Variants in E2F3 observed in about 807,000 individuals in gnomAD.
E2F3 encodes transcription factor E2F3.
In E2F3, 11 loss-of-function variants were observed where a neutral mutation model predicts 44.4. The ratio of observed to expected loss-of-function variants is 0.25; its 90% confidence interval spans 0.16 to 0.41. E2F3 has a LOEUF of 0.41. E2F3 is among the 10% of genes least tolerant of loss of function. E2F3 has a pLI of 1.00. For synonymous variants in E2F3, 249 were observed against 253.0 expected (o/e 0.98, Z 0.15); for missense variants, 487 against 583.6 (o/e 0.83, Z 1.70).
intron 1 of E2F3, chr6:20,403,759 G>C (rs1254018157): frequency 2.7e-6 from 4 of 1,478,606 alleles, no homozygotes; most frequent in African/African-American, 2.9e-5. Flanking sequence ...TCGGCCCTCC[G>C]GGCCCCCTCT....
At chr6:20,409,802 T>C (rs1484716985) in intron 1 of E2F3, among the ~76,000 whole-genome samples, 1 of 152,184 alleles carries the variant, frequency 6.6e-6, no homozygotes. Context: ...AAACATAATC[T>C]AACGTGGCTG....
intron 1 of E2F3, among the ~76,000 whole-genome samples, chr6:20,473,437 T>C (rs1048846029): frequency 4.6e-5 from 7 of 152,068 alleles, no homozygotes; most frequent in Non-Finnish European, 7.4e-5. Context: ...GTTGTGAAAA[T>C]AAGATAACAA....
At chr6:20,405,507 G>A (rs577869783) in intron 1 of E2F3, among the ~76,000 whole-genome samples, 1 of 151,244 alleles carries the variant, frequency 6.6e-6, no homozygotes, top group Admixed American at 6.6e-5. Flanking sequence ...CACCACGCCT[G>A]GCCGGTTATC....
intron 1 of E2F3, among the ~76,000 whole-genome samples, chr6:20,441,941 A>G (rs894354698): frequency 1.3e-5 from 2 of 151,468 alleles, no homozygotes; most frequent in Admixed American, 1.3e-4. Context: ...CCTACTAGCC[A>G]TGCACTAGGG....
At chr6:20,468,534 C>A (rs567135734) in intron 1 of E2F3, among the ~76,000 whole-genome samples, 1 of 152,314 alleles carries the variant, frequency 6.6e-6, no homozygotes, top group East Asian at 1.9e-4. Context: ...GGAAGCTCTC[C>A]GTACCCTGTC....
At chr6:20,435,278 G>T (rs562206901) in intron 1 of E2F3, among the ~76,000 whole-genome samples, 1 of 152,012 alleles carries the variant, frequency 6.6e-6, no homozygotes, top group Non-Finnish European at 1.5e-5. Flanking sequence ...GCACCTGGCC[G>T]ATGTGCCCCA....
Position 20,402,086 on chromosome 6 carries a change from TAAAAAG to T in E2F3, c.-142_-137del. On this transcript the variant is annotated 5_prime_UTR_variant, in exon 1 of 7. Transcript: ENST00000346618. This position sits in a 1 kb window ranked among gnomAD's most constrained non-coding sequence, Gnocchi z 5.6. ...CCGGGGCCTGTGCGGTGCGGAAAAA[TAAAAAG>T]AAAAGAGAGAGAGGGGGCTCGGAAG... The T allele has an allele frequency of 7.4e-7, 1 of 1,351,736 alleles. No individual in the cohort carries two copies. Among genetic ancestry groups the T allele is most frequent in the Non-Finnish European group, 9.6e-7 (1 of 1,043,800 alleles). 83.7% of individuals were successfully genotyped at this position (1,351,736 alleles called of 1,614,324 possible).
chr6:20,470,918 A>G (rs186224963), intron 1 of E2F3, among the ~76,000 whole-genome samples: 47 of 152,346 alleles, frequency 3.1e-4, no homozygotes, highest in African/African-American at 1.0e-3. Context: ...AAGACATTCA[A>G]CAGTCTAGAA....
At chr6:20,403,710 C>G (rs951985541) in intron 1 of E2F3, 7 of 865,294 alleles carry the variant, frequency 8.1e-6, no homozygotes, top group Admixed American at 2.8e-5. Context: ...TCCCCACCCC[C>G]CCACCGGCGC....
intron 1 of E2F3, among the ~76,000 whole-genome samples, chr6:20,471,001 G>A (rs1483607477): frequency 6.6e-6 from 1 of 152,056 alleles, no homozygotes; most frequent in African/African-American, 2.4e-5. Flanking sequence ...AGTAACCCAC[G>A]CTCACTTTAA....
chr6:20,411,786 C>T (rs1759682194), intron 1 of E2F3, among the ~76,000 whole-genome samples: 1 of 152,214 alleles, frequency 6.6e-6, no homozygotes, highest in African/African-American at 2.4e-5. Flanking sequence ...TTGGGCCTCT[C>T]CCTTCCCTTG....
intron 3 of E2F3, 112 bp downstream of exon 3, chr6:20,481,537 C>G: frequency 1.1e-6 from 1 of 924,768 alleles, no homozygotes; most frequent in Non-Finnish European, 1.7e-6. Context: ...CTTTTCTCTC[C>G]TACTGTTTTC....
In E2F3 at chr6:20,402,895, C is replaced by T. The variant is rs936966586; in HGVS notation, c.393+270C>T. The stretch of plus-strand genomic sequence containing the variant: ...CACTCCAAAACTTTTCGCGGCCCCC[C>T]CTTCTTTTCCTGCACTTTTCCCTAC... On this transcript the variant is annotated intron_variant, in intron 1 of 6. Transcript: ENST00000346618. The surrounding 1 kb of genome is among the most constrained non-coding windows in gnomAD (Gnocchi z 5.6). Among the ~76,000 whole-genome samples, 1 of 152,168 alleles carries T rather than the reference C, an allele frequency of 6.6e-6. No individual in the cohort carries two copies. The highest frequency in any genetic ancestry group is 2.4e-5 in the African/African-American group (1 of 41,446).
intron 1 of E2F3, among the ~76,000 whole-genome samples, chr6:20,477,143 C>T (rs1762072061): frequency 6.6e-6 from 1 of 151,934 alleles, no homozygotes; most frequent in African/African-American, 2.4e-5. Flanking sequence ...TTGGGGTTTT[C>T]ATTATTATTT....
In E2F3 at chr6:20,430,964, G is replaced by T. The variant is rs183446814; in HGVS notation, c.393+28339G>T. Among the ~76,000 whole-genome samples the T allele has an allele frequency of 9.9e-3, 1,500 of 152,274 alleles. 12 individuals carry two copies. Among genetic ancestry groups the T allele is most frequent in the Non-Finnish European group, 0.015 (1,015 of 68,016 alleles). On this transcript the variant is annotated intron_variant, in intron 1 of 6. Coordinates refer to ENST00000346618, the MANE Select transcript of E2F3 (RefSeq NM_001949.5). ...CACTTGAACCCAGGAGATGGAGGTT[G>T]CAGTGGGCCAAGATGGCGCCACTGC... is the stretch of plus-strand genomic sequence containing the variant.
At chr6:20,419,268 A>G (rs1759946234) in intron 1 of E2F3, among the ~76,000 whole-genome samples, 1 of 152,192 alleles carries the variant, frequency 6.6e-6, no homozygotes, top group Admixed American at 6.5e-5. Context: ...GAACAGTGCT[A>G]CATTGGATAT....
intron 1 of E2F3, among the ~76,000 whole-genome samples, chr6:20,448,260 G>T (rs1438021566): frequency 6.6e-6 from 1 of 152,158 alleles, no homozygotes; most frequent in Non-Finnish European, 1.5e-5. Context: ...AGCTCTCCAA[G>T]GAGTGCTCTT....
chr6:20,402,478 C>G lies in E2F3; in HGVS notation c.246C>G (p.Gly82=), dbSNP rs1223720577. 1 of 1,608,750 alleles carries G rather than the reference C, an allele frequency of 6.2e-7. No individual in the cohort carries two copies. The highest frequency in any genetic ancestry group is 1.7e-5 in the Admixed American group (1 of 59,962). The stretch of plus-strand genomic sequence containing the variant: ...TCCAAAGCGGCGCCGTAGCCGCCGG[C>G]CCCCTCCTCCCCAGTGCCCCCGGCG... ...SSLQSGAVAA[G]PLLPSAPGAE... is the part of the protein sequence containing the mutation. Residue 82 remains glycine (G), a synonymous_variant, in exon 1 of 7, where the codon GGC becomes GGG. Coordinates refer to ENST00000346618, the MANE Select transcript of E2F3 (RefSeq NM_001949.5). This position sits in a 1 kb window ranked among gnomAD's most constrained non-coding sequence, Gnocchi z 5.6.
intron 1 of E2F3, among the ~76,000 whole-genome samples, chr6:20,413,901 C>G (rs997987917): frequency 5.3e-5 from 8 of 152,146 alleles, no homozygotes; most frequent in African/African-American, 1.9e-4. Flanking sequence ...AATACAAGAC[C>G]TTTGACTCCC....
Sources: gnomAD v4.1 joint callset for allele counts (sites outside exome capture counted in the v4.1 genomes callset) on GRCh38, gnomAD v4.1.1 for gene constraint, Gnocchi (gnomAD v3.1) non-coding constraint, MANE v1.5 for transcripts, NCBI Gene and HGNC (gene_info 2026-07-23, HGNC 2026-07-21) for gene names.